Variants in CDH13 observed in about 807,000 individuals in gnomAD.
CDH13 encodes the protein cadherin 13.
Under a neutral mutation model 63.8 loss-of-function variants are expected in CDH13, and 24 were observed. The observed-to-expected ratio is 0.38, with a 90% CI of 0.27 to 0.53. The LOEUF (loss-of-function observed/expected upper bound fraction) is 0.53, where lower values mean the gene tolerates loss of function less well. CDH13 is among the 20% of genes least tolerant of loss of function. The pLI is 0.85. For synonymous variants in CDH13, 503 were observed against 355.3 expected (o/e 1.42, Z -4.67); for missense variants, 1,049 against 903.1 (o/e 1.16, Z -2.07).
intron 7 of CDH13, among the ~76,000 whole-genome samples, chr16:83,515,181 T>G (rs2074672580): frequency 6.6e-6 from 1 of 152,174 alleles, no homozygotes; most frequent in East Asian, 1.9e-4. Context: ...GTAAGAACTC[T>G]GTACTTGAGG....
At chr16:83,323,309 T>C in intron 5 of CDH13, among the ~76,000 whole-genome samples, 1 of 150,854 alleles carries the variant, frequency 6.6e-6, no homozygotes, top group Non-Finnish European at 1.5e-5. Flanking sequence ...GAGTTTCGCT[T>C]TTTTTGCCCA....
At chr16:83,579,234 AGT>A (rs749923156) in intron 7 of CDH13, among the ~76,000 whole-genome samples, 20 of 151,754 alleles carry the variant, frequency 1.3e-4, no homozygotes, top group Admixed American at 4.6e-4. Flanking sequence ...ACTAGGGGAG[AGT>A]GAATCACCCC....
rs530686912 is a variant in CDH13, at chr16:83,217,296, C to G, written c.484-49C>G. 5 of 1,599,808 alleles carry G rather than the reference C, an allele frequency of 3.1e-6. No individual in the cohort carries two copies. The African/African-American group carries it at 5.4e-5, about 17-fold the overall frequency. On this transcript the variant is annotated intron_variant, in intron 4 of 13. Coordinates refer to ENST00000567109, the MANE Select transcript of CDH13 (RefSeq NM_001257.5). ...TGGGAGTATGTTTGCAATGTGCTTT[C>G]TCTGTGTTTTCCAGGCAGTTTTAAA...
At chr16:82,706,467 G>A (rs1661609982) in intron 1 of CDH13, among the ~76,000 whole-genome samples, 1 of 152,130 alleles carries the variant, frequency 6.6e-6, no homozygotes, top group African/African-American at 2.4e-5. Context: ...GCTGCTAGGT[G>A]GTTGGCCTGG....
chr16:83,301,075 A>G (rs2089729727), intron 5 of CDH13, among the ~76,000 whole-genome samples: 1 of 111,858 alleles, frequency 8.9e-6, no homozygotes, highest in African/African-American at 3.5e-5. Context: ...TCTGTGGTCC[A>G]GACTGGAGTG....
At chr16:83,611,593 C>T (rs755743739) in intron 8 of CDH13, among the ~76,000 whole-genome samples, 3 of 151,736 alleles carry the variant, frequency 2.0e-5, no homozygotes, top group Non-Finnish European at 4.4e-5. Flanking sequence ...CAAACCCCTC[C>T]CTAGAAATGA....
rs779129520 is a variant in CDH13, at chr16:83,670,948, C to T, written c.1260C>T (p.Asn420=). The T allele has an allele frequency of 1.1e-4, 181 of 1,601,726 alleles. No homozygotes were observed. In the Middle Eastern group the frequency reaches 1.3e-3, roughly 12 times the overall value. The part of the protein sequence containing the change: ...SFEIHTNPQT[N]EGMLSVVKPL... ...AAATCCACACCAACCCTCAAACCAA[C>T]GAAGGGATGCTTTCTGTTGTCAAAG... is the stretch of plus-strand genomic sequence containing the variant. Residue 420 remains asparagine (N), a synonymous_variant, in exon 9 of 14, where the codon AAC becomes AAT. Transcript: ENST00000567109.
intron 10 of CDH13, among the ~76,000 whole-genome samples, chr16:83,687,328 G>A (rs1296883815): frequency 6.6e-6 from 1 of 152,212 alleles, no homozygotes; most frequent in African/African-American, 2.4e-5. Flanking sequence ...GGCTCTGCAG[G>A]CTATATAGGA....
chr16:83,425,704 A>G (rs1407074591), intron 6 of CDH13, among the ~76,000 whole-genome samples: 1 of 152,162 alleles, frequency 6.6e-6, no homozygotes, highest in Non-Finnish European at 1.5e-5. Flanking sequence ...TCTTTCTTCA[A>G]CTAATCTGCA....
intron 2 of CDH13, among the ~76,000 whole-genome samples, chr16:83,002,321 C>T (rs1450293139): frequency 6.6e-6 from 1 of 152,182 alleles, no homozygotes; most frequent in Non-Finnish European, 1.5e-5. Context: ...ACGGAGGCAA[C>T]TCTTGGAGTG....
intron 10 of CDH13, among the ~76,000 whole-genome samples, chr16:83,744,583 C>G (rs890523995): frequency 3.9e-5 from 6 of 152,220 alleles, no homozygotes; most frequent in African/African-American, 1.4e-4. Context: ...TCTGCTGAGT[C>G]GGATGTTTCT....
At chr16:82,769,661 A>G (rs2035187484) in intron 1 of CDH13, among the ~76,000 whole-genome samples, 1 of 152,198 alleles carries the variant, frequency 6.6e-6, no homozygotes, top group African/African-American at 2.4e-5. Flanking sequence ...GGAGGATAGG[A>G]GCAATTCCAT....
intron 7 of CDH13, among the ~76,000 whole-genome samples, chr16:83,528,877 A>G (rs529675152): frequency 1.3e-5 from 2 of 152,260 alleles, no homozygotes; most frequent in African/African-American, 4.8e-5. Flanking sequence ...TGGTGAAGGG[A>G]TCATGGCTAT....
At chr16:83,393,132 C>G (rs1251096338) in intron 6 of CDH13, among the ~76,000 whole-genome samples, 2 of 152,122 alleles carry the variant, frequency 1.3e-5, no homozygotes, top group African/African-American at 4.8e-5. Flanking sequence ...TAAAGTGTCC[C>G]CAAGGATACA....
At chr16:83,264,637 A>G (rs909624071) in intron 5 of CDH13, among the ~76,000 whole-genome samples, 47 of 151,786 alleles carry the variant, frequency 3.1e-4, no homozygotes, top group African/African-American at 1.1e-3. Flanking sequence ...TTTTTGATTG[A>G]AGAAATATAT....
At chr16:83,419,612 A>G (rs1458148555) in intron 6 of CDH13, among the ~76,000 whole-genome samples, 3 of 152,202 alleles carry the variant, frequency 2.0e-5, no homozygotes, top group African/African-American at 4.8e-5. Context: ...TGGCTGTAGC[A>G]TATTTCCTAC....
At chr16:83,324,485 G>C (rs1406813030) in intron 5 of CDH13, among the ~76,000 whole-genome samples, 1 of 152,182 alleles carries the variant, frequency 6.6e-6, no homozygotes, top group Admixed American at 6.5e-5. Context: ...CTTTTTTAAT[G>C]AAAGGAATCA....
chr16:83,728,509 T>C (rs1910693488), intron 10 of CDH13, among the ~76,000 whole-genome samples: 1 of 152,122 alleles, frequency 6.6e-6, no homozygotes, highest in Non-Finnish European at 1.5e-5. Flanking sequence ...AAAGCTTCTG[T>C]TGGAAGAGGA....
At chr16:83,553,208 C>T (rs758542529) in intron 7 of CDH13, among the ~76,000 whole-genome samples, 1 of 152,158 alleles carries the variant, frequency 6.6e-6, no homozygotes, top group Non-Finnish European at 1.5e-5. Context: ...GCAGTCCTAA[C>T]ATTCCAAGAG....
Sources: gnomAD v4.1 joint callset for allele counts (sites outside exome capture counted in the v4.1 genomes callset) on GRCh38, gnomAD v4.1.1 for gene constraint, MANE v1.5 for transcripts, NCBI Gene and HGNC (gene_info 2026-07-23, HGNC 2026-07-21) for gene names.